PCDH7: variants seen among roughly 807,000 people sequenced by gnomAD.
PCDH7 encodes protocadherin 7, also known as protocadherin-7.
Under a neutral mutation model 58.9 loss-of-function variants are expected in PCDH7, and 17 were observed. That is an observed-to-expected ratio of 0.29 (90% CI 0.20 to 0.43). PCDH7 has a LOEUF of 0.43. PCDH7 is among the 20% of genes least tolerant of loss of function. PCDH7 has a pLI of 1.00. For synonymous variants in PCDH7, 664 were observed against 616.4 expected, an observed-to-expected ratio of 1.08 and a Z score of -1.14; for missense variants, 1,274 against 1,441.0, an observed-to-expected ratio of 0.88 and a Z score of 1.88.
chr4:30,869,827 G>A (rs532012018), intron 1 of PCDH7, among the ~76,000 whole-genome samples: 1 of 152,020 alleles, frequency 6.6e-6, no homozygotes, highest in Non-Finnish European at 1.5e-5. Context: ...TCAAACAGTA[G>A]TTCTGGTTCT....
chr4:30,921,373 T>C (rs1048639358), intron 2 of PCDH7, among the ~76,000 whole-genome samples: 2 of 152,158 alleles, frequency 1.3e-5, no homozygotes, highest in Non-Finnish European at 2.9e-5. Flanking sequence ...CTTTTTGTTA[T>C]ATATCCGTTT....
intron 1 of PCDH7, among the ~76,000 whole-genome samples, chr4:30,828,864 G>T (rs552170387): frequency 6.6e-6 from 1 of 151,654 alleles, no homozygotes; most frequent in Non-Finnish European, 1.5e-5. Context: ...TTAAACCCAT[G>T]ATTTTAATAG....
intron 2 of PCDH7, 74 bp downstream of exon 2, chr4:30,920,443 C>A (rs1440614072): frequency 1.8e-6 from 2 of 1,084,124 alleles, no homozygotes; most frequent in Non-Finnish European, 2.5e-6. Context: ...GAAGGTCAGT[C>A]TAAAACCAAA....
intron 3 of PCDH7, among the ~76,000 whole-genome samples, chr4:31,073,451 AT>A (rs1265178061): frequency 6.6e-6 from 1 of 152,172 alleles, no homozygotes; most frequent in Non-Finnish European, 1.5e-5. Flanking sequence ...CAACTGACTC[AT>A]CATTACTTAG....
At chr4:31,109,887 C>A (rs544124553) in intron 3 of PCDH7, among the ~76,000 whole-genome samples, 1 of 152,146 alleles carries the variant, frequency 6.6e-6, no homozygotes, top group Admixed American at 6.6e-5. Flanking sequence ...CATAGGCAGA[C>A]GCTGTTACAA....
At chr4:30,908,739 A>G (rs990920268) in intron 1 of PCDH7, among the ~76,000 whole-genome samples, 1 of 152,086 alleles carries the variant, frequency 6.6e-6, no homozygotes, top group African/African-American at 2.4e-5. Flanking sequence ...TTCTGAAACT[A>G]TTCCAAACAA....
chr4:31,122,523 C>G (rs972404824), intron 3 of PCDH7, among the ~76,000 whole-genome samples: 1 of 152,198 alleles, frequency 6.6e-6, no homozygotes, highest in African/African-American at 2.4e-5. Context: ...ACTTTTCCCC[C>G]TCTTTTTGAA....
chr4:31,002,864 C>T (rs1043148575), intron 3 of PCDH7, among the ~76,000 whole-genome samples: 1 of 152,124 alleles, frequency 6.6e-6, no homozygotes, highest in African/African-American at 2.4e-5. Context: ...TCATAATTCC[C>T]CTGCTGAGAT....
Position 30,721,520 on chromosome 4 carries a change from T to G in PCDH7, c.98T>G (p.Leu33Arg), listed in dbSNP as rs759453563. ...CTCAGCCTGGCGGCCGCCAAGCAGCTCCTCCGGTACCGGCTGGCCGAGGAG... is the reference window on the plus strand; with the variant it reads ...CTCAGCCTGGCGGCCGCCAAGCAGCGCCTCCGGTACCGGCTGGCCGAGGAG... Residue 33 changes from leucine (L) to arginine (R), a missense_variant, in exon 1 of 2, where the codon CTC becomes CGC. Transcript: ENST00000361762. This position sits in a 1 kb window ranked among gnomAD's most constrained non-coding sequence, Gnocchi z 6.7. The G allele has an allele frequency of 6.2e-7, 1 of 1,601,170 alleles. No homozygotes were observed. Among genetic ancestry groups the G allele is most frequent in the South Asian group, 1.1e-5 (1 of 90,938 alleles).
At chr4:30,851,417 G>A (rs73214907) in intron 1 of PCDH7, among the ~76,000 whole-genome samples, 5,309 of 151,906 alleles carry the variant, frequency 0.035, 228 homozygotes, top group African/African-American at 0.099. Flanking sequence ...CATAAAATGT[G>A]ACATAAGACA....
chr4:31,098,854 A>G (rs1006726921), intron 3 of PCDH7, among the ~76,000 whole-genome samples: 2 of 152,206 alleles, frequency 1.3e-5, no homozygotes, highest in African/African-American at 4.8e-5. Context: ...CTGGAGGCTG[A>G]AAGTCAAAGA....
chr4:30,805,418 T>C (rs1468775046), intron 1 of PCDH7, among the ~76,000 whole-genome samples: 4 of 152,178 alleles, frequency 2.6e-5, no homozygotes, highest in African/African-American at 9.6e-5. Flanking sequence ...AGGATAATAC[T>C]AAGAACTACT....
chr4:31,083,077 C>T (rs1026193879), intron 3 of PCDH7, among the ~76,000 whole-genome samples: 2 of 152,054 alleles, frequency 1.3e-5, no homozygotes, highest in African/African-American at 4.8e-5. Context: ...CACTGCACTC[C>T]AGCCTGGGCG....
At chr4:30,891,853 G>T (rs1457492807) in intron 1 of PCDH7, among the ~76,000 whole-genome samples, 1 of 151,696 alleles carries the variant, frequency 6.6e-6, no homozygotes, top group Non-Finnish European at 1.5e-5. Flanking sequence ...AAACATGGGG[G>T]TGATGCCTTT....
chr4:30,743,212 C>A (rs1261770381), intron 1 of PCDH7, among the ~76,000 whole-genome samples: 1 of 152,048 alleles, frequency 6.6e-6, no homozygotes, highest in Non-Finnish European at 1.5e-5. Flanking sequence ...AAAAGAATAT[C>A]TTGTAACCAA....
chr4:31,018,643 G>A (rs987096259), intron 3 of PCDH7, among the ~76,000 whole-genome samples: 1 of 152,090 alleles, frequency 6.6e-6, no homozygotes, highest in South Asian at 2.1e-4. Context: ...TAAGGAAATT[G>A]AGCCAAAATC....
chr4:30,891,961 A>T (rs977764274), intron 1 of PCDH7, among the ~76,000 whole-genome samples: 5 of 151,984 alleles, frequency 3.3e-5, no homozygotes, highest in Non-Finnish European at 7.4e-5. Context: ...CATAGTATAG[A>T]TAGGAAAAAG....
intron 1 of PCDH7, among the ~76,000 whole-genome samples, chr4:30,728,245 T>G: frequency 6.8e-6 from 1 of 146,468 alleles, no homozygotes; most frequent in South Asian, 2.1e-4. Context: ...GTCAATTCAT[T>G]TGTGTGTGTG....
At chr4:30,980,185 A>T (rs1032654047) in intron 3 of PCDH7, among the ~76,000 whole-genome samples, 9 of 152,140 alleles carry the variant, frequency 5.9e-5, no homozygotes. Context: ...TACAAATCTC[A>T]TCATAAAACA....
Sources: allele counts gnomAD v4.1 joint callset (sites outside exome capture counted in the v4.1 genomes callset), GRCh38; gene constraint gnomAD v4.1.1; non-coding constraint Gnocchi (gnomAD v3.1); transcripts MANE v1.5; gene names NCBI Gene and HGNC (gene_info 2026-07-23, HGNC 2026-07-21).